The following MINK1 variants were observed in gnomAD, a reference collection of about 807,000 sequenced individuals.
MINK1 encodes misshapen like kinase 1, also known as misshapen-like kinase 1.
In MINK1, 46 loss-of-function variants were observed where a neutral mutation model predicts 178.4. That is an observed-to-expected ratio of 0.26 (90% CI 0.20 to 0.33). The LOEUF (loss-of-function observed/expected upper bound fraction) is 0.33, where lower values mean the gene tolerates loss of function less well. Ranked by LOEUF, MINK1 falls within the 10% of genes least tolerant of loss-of-function variation. The probability of loss-of-function intolerance (pLI) is 1.00; values close to 1 mark genes in which losing one functional copy is unlikely to be tolerated. For missense variants in MINK1, 1,366 were observed against 1,814.9 expected (o/e 0.75, Z 4.49); for synonymous variants, 797 against 709.7 (o/e 1.12, Z -1.96).
chr17:4,896,667 C>A lies in MINK1; in HGVS notation c.3776-7C>A, dbSNP rs1194477810. The A allele has an allele frequency of 1.2e-6, 2 of 1,602,908 alleles. No individual in the cohort carries two copies. Among genetic ancestry groups the A allele is most frequent in the Non-Finnish European group, 1.7e-6 (2 of 1,173,318 alleles). ...AGCCTGCTCAGCCCCTCACCTGTTC[C>A]CCACAGCCTACATCTGCTCCAACCA... On this transcript the variant is annotated splice_polypyrimidine_tract_variant and splice_region_variant and intron_variant, in intron 30 of 31. Coordinates refer to ENST00000355280, the MANE Select transcript of MINK1 (RefSeq NM_153827.5). The surrounding 1 kb of genome is among the most constrained non-coding windows in gnomAD (Gnocchi z 4.6).
chr17:4,893,091 G>A (rs371098611), intron 20 of MINK1, 24 bp downstream of exon 20: 155 of 1,547,696 alleles, frequency 1.0e-4, no homozygotes, highest in Middle Eastern at 3.3e-4. Context: ...TGGCAGGCAT[G>A]GCCTGCCTCA....
chr17:4,866,702 C>T (rs1409617078), intron 1 of MINK1, among the ~76,000 whole-genome samples: 1 of 151,856 alleles, frequency 6.6e-6, no homozygotes, highest in African/African-American at 2.4e-5. Context: ...AGCACAGCAG[C>T]CTGAGACGGC....
intron 1 of MINK1, among the ~76,000 whole-genome samples, chr17:4,869,242 ATTATTATTTAT>A (rs1408704179): frequency 0.034 from 4,869 of 144,752 alleles, 87 homozygotes; most frequent in East Asian, 0.044. Flanking sequence ...TAATTTTTAA[ATTATTATTTAT>A]TTATTTATTT....
At chr17:4,892,543 C>A in intron 18 of MINK1, 31 bp downstream of exon 18, 3 of 1,538,904 alleles carry the variant, frequency 1.9e-6, no homozygotes, top group African/African-American at 1.4e-5. Flanking sequence ...CTCACTCTCA[C>A]CTCTCACTTC....
chr17:4,849,413 C>T (rs1911570162), intron 1 of MINK1, among the ~76,000 whole-genome samples: 1 of 152,156 alleles, frequency 6.6e-6, no homozygotes, highest in Non-Finnish European at 1.5e-5. Flanking sequence ...GTATAAAGAG[C>T]TTTATTGAAA....
At chr17:4,867,138 GTTTT>G (rs759995957) in intron 1 of MINK1, among the ~76,000 whole-genome samples, 1,837 of 64,828 alleles carry the variant, frequency 0.028, 24 homozygotes, top group East Asian at 0.046. Context: ...TCTTAGGACT[GTTTT>G]TTTTTTTTTT....
At chr17:4,840,152 TTGAG>T (rs1243384820) in intron 1 of MINK1, among the ~76,000 whole-genome samples, 4 of 152,156 alleles carry the variant, frequency 2.6e-5, no homozygotes, top group Admixed American at 6.6e-5. Flanking sequence ...ATCTAGTTGA[TTGAG>T]AGAGACGTAA....
chr17:4,845,943 A>G (rs1241658328), intron 1 of MINK1, among the ~76,000 whole-genome samples: 1 of 152,210 alleles, frequency 6.6e-6, no homozygotes, highest in Non-Finnish European at 1.5e-5. Context: ...CATGTGGCTG[A>G]GTTGGATATT....
In MINK1 at chr17:4,887,148, G is replaced by A; in HGVS notation, c.988G>A (p.Asp330Asn). ...TGAGTACAGCGGCAGCGAGGAGGAAGATGACAGCCATGGAGAGGAAGGAGA... is the reference window on the plus strand; with the variant it reads ...TGAGTACAGCGGCAGCGAGGAGGAAAATGACAGCCATGGAGAGGAAGGAGA... The part of the protein sequence containing the change: ...EYEYSGSEEE[D>N]DSHGEEGEPS... The change falls in exon 11 of 32, where the codon GAT becomes AAT. Residue 330 changes from aspartate (D) to asparagine (N), a missense_variant. This residue lies in a region of MINK1 where 8 missense variants were observed against 27.2 expected (regional missense o/e 0.29). Transcript: ENST00000355280. This position sits in a 1 kb window ranked among gnomAD's most constrained non-coding sequence, Gnocchi z 7.6. The A allele has an allele frequency of 6.2e-7, 1 of 1,605,240 alleles. No homozygotes were observed. The highest frequency in any genetic ancestry group is 8.5e-7 in the Non-Finnish European group (1 of 1,176,078).
In MINK1 at chr17:4,897,439, A is replaced by G; in HGVS notation, c.*152A>G. On this transcript the variant is annotated 3_prime_UTR_variant, in exon 32 of 32. Transcript: ENST00000355280. ...CTGGGAACGTGACCTCTGACCCCTG[A>G]TGCTTTCGTGATCACGTGACCATCC... 1 of 645,096 alleles carries G rather than the reference A, an allele frequency of 1.6e-6. No homozygotes were observed. 40.0% of individuals were successfully genotyped at this position (645,096 alleles called of 1,614,324 possible). A position where few individuals can be genotyped will look rare whatever the true frequency, so the allele number is the denominator to read the frequency against.
In MINK1 at chr17:4,896,304, G is replaced by A. The variant is rs1486192835; in HGVS notation, c.3577G>A (p.Asp1193Asn). The change falls in exon 29 of 32, where the codon GAC (aspartate) becomes AAC (asparagine). Residue 1193 changes from aspartate (D) to asparagine (N), a missense_variant. Around this residue, in one of 14 missense-constraint regions of MINK1, gnomAD observed 201 missense variants for 240.7 expected, o/e 0.84. Coordinates refer to ENST00000355280, the MANE Select transcript of MINK1 (RefSeq NM_153827.5). This position sits in a 1 kb window ranked among gnomAD's most constrained non-coding sequence, Gnocchi z 4.6. Reference protein sequence around the residue: ...SSAGFHAVDVDSGNSYDIYIP... With the variant: ...SSAGFHAVDVNSGNSYDIYIP... ...TGCTGGCTTCCATGCTGTGGATGTC[G>A]ACTCGGGGAACAGCTATGACATCTA... 7 of 1,601,456 alleles carry A rather than the reference G, an allele frequency of 4.4e-6. No homozygotes were observed. The highest frequency in any genetic ancestry group is 1.7e-5 in the Admixed American group (1 of 59,144).
At chr17:4,874,963 T>G in intron 1 of MINK1, 1 of 476,686 alleles carries the variant, frequency 2.1e-6, no homozygotes, top group South Asian at 1.5e-5. Flanking sequence ...CAGATCATTA[T>G]GGCTCTAACA....
chr17:4,853,905 G>C (rs1912607581), intron 1 of MINK1, among the ~76,000 whole-genome samples: 2 of 152,122 alleles, frequency 1.3e-5, no homozygotes, highest in Admixed American at 1.3e-4. Flanking sequence ...AGATACTCCA[G>C]CTGGGGATAG....
At chr17:4,844,246 C>G (rs1910670197) in intron 1 of MINK1, among the ~76,000 whole-genome samples, 1 of 152,110 alleles carries the variant, frequency 6.6e-6, no homozygotes, top group Non-Finnish European at 1.5e-5. Flanking sequence ...GGTGATCCAC[C>G]CACCTCGGCC....
intron 1 of MINK1, among the ~76,000 whole-genome samples, chr17:4,845,185 C>T (rs375211055): frequency 3.3e-5 from 5 of 152,236 alleles, no homozygotes; most frequent in African/African-American, 1.2e-4. Context: ...AACACAACCC[C>T]CCTCCCAGCT....
At chr17:4,846,843 C>T (rs1597388231) in intron 1 of MINK1, among the ~76,000 whole-genome samples, 1 of 152,186 alleles carries the variant, frequency 6.6e-6, no homozygotes, top group Non-Finnish European at 1.5e-5. Flanking sequence ...CCCCATCTTA[C>T]ATTTCAGAAG....
At position 4,892,730 on chromosome 17, in the gene MINK1, T is replaced by C; in HGVS notation, c.2273T>C (p.Leu758Pro). Residue 758 changes from leucine to proline, a missense_variant, in exon 19 of 32, where the codon CTC becomes CCC. By Grantham distance (98) the Leu-to-Pro change is moderately conservative. Around this residue, in one of 14 missense-constraint regions of MINK1, gnomAD observed 709 missense variants for 692.3 expected, o/e 1.02. Coordinates refer to ENST00000355280, the MANE Select transcript of MINK1 (RefSeq NM_153827.5). ...DSVLPASHGH[L>P]PQAGSLERNR... ...GTCCTTCCAGCCTCTCACGGGCACC[T>C]CCCCCAGGCTGGCTCACTGGAGCGG... The C allele has an allele frequency of 1.2e-6, 2 of 1,611,620 alleles. No individual in the cohort carries two copies. The highest frequency in any genetic ancestry group is 1.7e-6 in the Non-Finnish European group (2 of 1,179,376).
intron 2 of MINK1, among the ~76,000 whole-genome samples, 195 bp from the exon 3 acceptor site, chr17:4,880,789 A>G (rs138812331): frequency 0.022 from 3,407 of 151,888 alleles, 107 homozygotes; most frequent in African/African-American, 0.071. Context: ...AGTCCCAGCT[A>G]TCCGGGAGGC....
intron 1 of MINK1, among the ~76,000 whole-genome samples, chr17:4,877,845 CTG>C (rs1967324312): frequency 7.0e-6 from 1 of 143,374 alleles, no homozygotes; most frequent in Admixed American, 7.1e-5. Context: ...GAGTCTCACT[CTG>C]TCGCCCAGGC....
Sources: allele counts gnomAD v4.1 joint callset (sites outside exome capture counted in the v4.1 genomes callset), GRCh38; gene constraint gnomAD v4.1.1; regional missense constraint gnomAD v4.1.1; non-coding constraint Gnocchi (gnomAD v3.1); transcripts MANE v1.5; gene names NCBI Gene and HGNC (gene_info 2026-07-23, HGNC 2026-07-21).